MYO9A: variants seen among roughly 807,000 people sequenced by gnomAD.
MYO9A encodes the protein unconventional myosin-IXa.
In MYO9A, 103 loss-of-function variants were observed where a neutral mutation model predicts 293.3. That is an observed-to-expected ratio of 0.35 (90% CI 0.30 to 0.41). MYO9A has a LOEUF of 0.41. MYO9A is among the 10% of genes least tolerant of loss of function. The pLI is 1.00. For synonymous variants in MYO9A, 1,001 were observed against 1,035.7 expected (o/e 0.97, Z 0.64); for missense variants, 2,685 against 3,033.0 (o/e 0.89, Z 2.69).
rs2080714146 is a variant in MYO9A, at chr15:72,109,881, G to GC, written c.-72+7798dup. Among the ~76,000 whole-genome samples the GC allele has an allele frequency of 3.3e-5, 5 of 150,222 alleles. No homozygotes were observed. The South Asian group carries it at 1.1e-3, about 32-fold the overall frequency. Reference sequence around the variant, plus strand: ...ACTGCACTGTAGCCTGGGCGACAGAGCAAGACTCTGTCTCACAAAAAAATA... The same window carrying GC: ...ACTGCACTGTAGCCTGGGCGACAGAGCCAAGACTCTGTCTCACAAAAAAATA... On this transcript the variant is annotated intron_variant, in intron 1 of 41. Coordinates refer to ENST00000356056, the MANE Select transcript of MYO9A (RefSeq NM_006901.4).
In MYO9A at chr15:71,859,759, T is replaced by C. The variant is rs1423282680; in HGVS notation, c.6129A>G (p.Lys2043=). ...KYACHKKCCL[K]TTAKCSKKYD... is the part of the protein sequence containing the mutation. ...CCTTTTTAGAGCACTTGGCTGTGGT[T>C]TTCAGACAGCACTTCTTATGGCAAG... Residue 2043 remains lysine (K), a synonymous_variant, in exon 34 of 42, where the codon AAA becomes AAG. Coordinates refer to ENST00000356056, the MANE Select transcript of MYO9A (RefSeq NM_006901.4). 6.2e-7 allele frequency: 1 copy of C among 1,613,484 alleles called. No individual in the cohort carries two copies. Among genetic ancestry groups the C allele is most frequent in the Admixed American group, 1.7e-5 (1 of 60,018 alleles).
chr15:71,966,226 T>C (rs554262336), intron 13 of MYO9A, among the ~76,000 whole-genome samples: 1 of 151,478 alleles, frequency 6.6e-6, no homozygotes, highest in South Asian at 2.1e-4. Flanking sequence ...ATCTTTTTAC[T>C]TTCAACCTAT....
intron 1 of MYO9A, among the ~76,000 whole-genome samples, chr15:72,100,402 C>T (rs975301199): frequency 2.6e-5 from 4 of 152,160 alleles, no homozygotes; most frequent in Non-Finnish European, 2.9e-5. Context: ...AAGTGAGGAG[C>T]GTCTCTGCCT....
intron 1 of MYO9A, among the ~76,000 whole-genome samples, chr15:72,100,226 A>G (rs1364314981): frequency 1.3e-5 from 2 of 152,136 alleles, no homozygotes; most frequent in African/African-American, 4.8e-5. Context: ...TACAAAAAAT[A>G]GAAAAATTAG....
In MYO9A at chr15:71,854,558, C is replaced by A; in HGVS notation, c.6165G>T (p.Glu2055Asp). 1 of 1,593,176 alleles carries A rather than the reference C, an allele frequency of 6.3e-7. No homozygotes were observed. Among genetic ancestry groups the A allele is most frequent in the South Asian group, 1.2e-5 (1 of 85,916 alleles). The change falls in exon 35 of 42, where the codon GAG (glutamate) becomes GAT (aspartate). Residue 2055 changes from glutamate to aspartate, a missense_variant. Physicochemically the swap from Glu to Asp is conservative, Grantham distance 45. Coordinates refer to ENST00000356056, the MANE Select transcript of MYO9A (RefSeq NM_006901.4). The part of the protein sequence containing the change: ...TAKCSKKYDP[E>D]LSSRQFGVEL... ...CAACCCCAAATTGTCGAGATGACAG[C>A]TCTGGATCATACTAAATGAAAGATA... is the stretch of plus-strand genomic sequence containing the variant.
At chr15:72,022,280 G>A (rs1255156495) in intron 4 of MYO9A, among the ~76,000 whole-genome samples, 1 of 152,044 alleles carries the variant, frequency 6.6e-6, no homozygotes, top group Non-Finnish European at 1.5e-5. Flanking sequence ...CCAGCACTTT[G>A]GGAGGCTGAG....
intron 12 of MYO9A, among the ~76,000 whole-genome samples, chr15:71,974,860 G>A (rs1226792383): frequency 1.3e-5 from 2 of 152,216 alleles, no homozygotes; most frequent in African/African-American, 4.8e-5. Context: ...AACCAGCACA[G>A]TGGCAATTCT....
chr15:72,023,542 A>G (rs904067924), intron 4 of MYO9A, among the ~76,000 whole-genome samples: 5 of 152,076 alleles, frequency 3.3e-5, no homozygotes, highest in African/African-American at 1.2e-4. Flanking sequence ...AAATTACAAA[A>G]AAAATAGCTG....
At chr15:71,959,660 C>T (rs2059280649) in intron 14 of MYO9A, 1 of 471,350 alleles carries the variant, frequency 2.1e-6, no homozygotes, top group African/African-American at 1.9e-5. Flanking sequence ...ATGAACACTT[C>T]ATGAACAGAT....
intron 35 of MYO9A, 86 bp from the exon 36 acceptor site, chr15:71,852,346 G>T: frequency 3.3e-6 from 4 of 1,228,358 alleles, no homozygotes; most frequent in Non-Finnish European, 4.4e-6. Flanking sequence ...CATCATTAAA[G>T]GAAGGCTTCA....
intron 3 of MYO9A, among the ~76,000 whole-genome samples, chr15:72,028,591 G>A (rs1257624581): frequency 6.6e-6 from 1 of 151,338 alleles, no homozygotes; most frequent in Non-Finnish European, 1.5e-5. Context: ...AGGCTGCAGT[G>A]AGCTGAGATC....
intron 1 of MYO9A, among the ~76,000 whole-genome samples, chr15:72,098,181 T>C (rs1351592094): frequency 6.6e-6 from 1 of 151,906 alleles, no homozygotes; most frequent in Non-Finnish European, 1.5e-5. Flanking sequence ...ATCACCAGAA[T>C]GCAGAAACAA....
At chr15:71,982,005 ATTTTTTTTTTTTTTTTTTTT>A (rs750930471) in intron 11 of MYO9A, among the ~76,000 whole-genome samples, 1 of 56,258 alleles carries the variant, frequency 1.8e-5, no homozygotes, top group Non-Finnish European at 2.9e-5. Context: ...CCTATTTAGA[ATTTTTTTTTTTTTTTTTTTT>A]TTTTTTTTTT....
At position 71,855,576 on chromosome 15, in the gene MYO9A, A is replaced by G. The variant is rs373060927; in HGVS notation, c.6154-1007T>C. ...TCTCTGAGACTGAAAATTGTTTTGC[A>G]AATCTGTCTTTCCTTCTCCTGTACC... is the stretch of plus-strand genomic sequence containing the variant. On this transcript the variant is annotated intron_variant, in intron 34 of 41. Coordinates refer to ENST00000356056, the MANE Select transcript of MYO9A (RefSeq NM_006901.4). 2.0e-4 allele frequency among the ~76,000 whole-genome samples: 31 copies of G among 152,312 alleles called. No individual in the cohort carries two copies. The East Asian group carries it at 5.6e-3, about 27-fold the overall frequency.
intron 22 of MYO9A, among the ~76,000 whole-genome samples, chr15:71,901,623 C>T (rs995803649): frequency 1.3e-5 from 2 of 151,286 alleles, no homozygotes; most frequent in Non-Finnish European, 2.9e-5. Context: ...CCCAGGAGTT[C>T]CAGTTCTACG....
At position 71,897,720 on chromosome 15, in the gene MYO9A, G is replaced by A. The variant is rs866654715; in HGVS notation, c.4783C>T (p.Pro1595Ser). The A allele has an allele frequency of 1.9e-6, 3 of 1,614,046 alleles. No individual in the cohort carries two copies. Residue 1595 changes from proline to serine, a missense_variant, in exon 25 of 42, where the codon CCC becomes TCC. By Grantham distance (74) the Pro-to-Ser change is moderately conservative. Transcript: ENST00000356056. ...AQKDSSSAHL[P>S]PKDRPVTVFF... ...ACGGTGACAGGTCGGTCCTTTGGGGGTAAGTGAGCAGAGGAACTGTCTTTT... is the reference window on the plus strand; with the variant it reads ...ACGGTGACAGGTCGGTCCTTTGGGGATAAGTGAGCAGAGGAACTGTCTTTT...
intron 1 of MYO9A, among the ~76,000 whole-genome samples, chr15:72,057,222 T>A (rs1029196332): frequency 5.9e-5 from 9 of 151,930 alleles, no homozygotes; most frequent in Non-Finnish European, 1.2e-4. Flanking sequence ...TGAGCAGAGA[T>A]CACACCACTG....
intron 1 of MYO9A, among the ~76,000 whole-genome samples, chr15:72,070,205 G>T (rs1295256215): frequency 2.0e-5 from 3 of 151,842 alleles, no homozygotes; most frequent in African/African-American, 4.8e-5. Flanking sequence ...ACTTTGGGAG[G>T]CCGAGGCAGA....
chr15:71,923,024 C>CA (rs2058195470), intron 18 of MYO9A, among the ~76,000 whole-genome samples: 1 of 152,084 alleles, frequency 6.6e-6, no homozygotes, highest in Admixed American at 6.6e-5. Context: ...GTGAGTCTGT[C>CA]ATGTGGTCTT....
Sources: allele counts gnomAD v4.1 joint callset (sites outside exome capture counted in the v4.1 genomes callset), GRCh38; gene constraint gnomAD v4.1.1; transcripts MANE v1.5; gene names NCBI Gene and HGNC (gene_info 2026-07-23, HGNC 2026-07-21).